The following SLC39A7 variants were observed in gnomAD, a reference collection of about 807,000 sequenced individuals.
The protein encoded by SLC39A7 is solute carrier family 39 member 7, also known as zinc transporter SLC39A7.
In SLC39A7, 25 loss-of-function variants were observed where a neutral mutation model predicts 39.7. That is an observed-to-expected ratio of 0.63 (90% CI 0.46 to 0.88). SLC39A7 has a LOEUF of 0.88. Ranked by LOEUF, SLC39A7 falls within the 40% of genes least tolerant of loss-of-function variation. The probability of loss-of-function intolerance (pLI) is 0.00; values close to 1 mark genes in which losing one functional copy is unlikely to be tolerated. For missense variants in SLC39A7, 501 were observed against 592.1 expected (o/e 0.85, Z 1.60); for synonymous variants, 181 against 234.1 (o/e 0.77, Z 2.07).
Position 33,202,950 on chromosome 6 carries a change from G to A in SLC39A7, c.981G>A (p.Leu327=). The part of the protein sequence containing the change: ...VSGYLNLAAD[L]AHNFTDGLAI... ...GGTACCTGAATCTGGCTGCTGACTTGGCACACAACTTCACTGATGGTCTGG... is the reference window on the plus strand; with the variant it reads ...GGTACCTGAATCTGGCTGCTGACTTAGCACACAACTTCACTGATGGTCTGG... Residue 327 remains leucine (L), a synonymous_variant, in exon 6 of 7, where the codon TTG becomes TTA. Transcript: ENST00000374677. The A allele has an allele frequency of 1.2e-6, 2 of 1,611,910 alleles. No individual in the cohort carries two copies. The highest frequency in any genetic ancestry group is 2.2e-5 in the South Asian group (2 of 91,020).
Position 33,204,172 on chromosome 6 carries a change from CCA to C in SLC39A7, c.*360_*361del. 2.1e-6 allele frequency: 1 copy of C among 473,820 alleles called. No individual in the cohort carries two copies. The highest frequency in any genetic ancestry group is 3.8e-6 in the Non-Finnish European group (1 of 261,818). The allele number at this position is 473,820 out of a possible 1,614,324, so 29.4% of individuals were successfully genotyped here. On this transcript the variant is annotated 3_prime_UTR_variant, in exon 7 of 7. Transcript: ENST00000374677. ...TGCTACACAGGAAGTTCTCCAAGGT[CCA>C]GTTTCCTTTCTCCCACCAGTTGGTG...
At position 33,201,670 on chromosome 6, in the gene SLC39A7, G is replaced by A. The variant is rs956810426; in HGVS notation, c.411+14G>A. Reference sequence around the variant, plus strand: ...CTCTGGGCTTATGTGAGTCTCCAGGGGATGGGAGAGAGAAGGGCTGGTTCT... The same window carrying A: ...CTCTGGGCTTATGTGAGTCTCCAGGAGATGGGAGAGAGAAGGGCTGGTTCT... On this transcript the variant is annotated intron_variant, in intron 1 of 6. Coordinates refer to ENST00000374677, the MANE Select transcript of SLC39A7 (RefSeq NM_006979.3). The surrounding 1 kb of genome is among the most constrained non-coding windows in gnomAD (Gnocchi z 5.9). 19 of 1,610,864 alleles carry A rather than the reference G, an allele frequency of 1.2e-5. No individual in the cohort carries two copies. Among genetic ancestry groups the A allele is most frequent in the Non-Finnish European group, 1.5e-5 (18 of 1,177,726 alleles).
In SLC39A7 at chr6:33,201,199, G is replaced by C. The variant is rs1294387050; in HGVS notation, c.-47G>C. 1 of 1,558,042 alleles carries C rather than the reference G, an allele frequency of 6.4e-7. No homozygotes were observed. Among genetic ancestry groups the C allele is most frequent in the South Asian group, 1.2e-5 (1 of 84,646 alleles). On this transcript the variant is annotated 5_prime_UTR_variant, in exon 1 of 7. Coordinates refer to ENST00000374677, the MANE Select transcript of SLC39A7 (RefSeq NM_006979.3). This position sits in a 1 kb window ranked among gnomAD's most constrained non-coding sequence, Gnocchi z 5.9. ...GTAAAGCGGACCCTGTGTAGGTATA[G>C]AGTTGAGTCAAGTGGAGTCACTGCC...
rs34836401 is a variant in SLC39A7 at position 33,202,417 on chromosome 6, T to C, written c.789T>C (p.His263=). 727 of 1,612,696 alleles carry C rather than the reference T, an allele frequency of 4.5e-4. 15 individuals are homozygous for C. The South Asian group carries it at 5.9e-3, about 13-fold the overall frequency. The change falls in exon 4 of 7, where the codon CAT becomes CAC. Residue 263 remains histidine, a synonymous_variant. Transcript: ENST00000374677. ...GTCATACACGTGGAAGTCATGGACA[T>C]GGAAGACAAGGTGAGCCCAGGAACA... ...AHSHTRGSHG[H]GRQERSTKEK... is the part of the protein sequence containing the mutation.
rs148466278 is a variant in SLC39A7, at chr6:33,202,734, G to A, written c.940+34G>A. The A allele has an allele frequency of 6.7e-5, 106 of 1,574,064 alleles. No individual in the cohort carries two copies. In the Middle Eastern group the frequency reaches 8.5e-4, roughly 13 times the overall value. On this transcript the variant is annotated intron_variant, in intron 5 of 6. Transcript: ENST00000374677. ...CAGAGTTGGTGATAAATTTGGGCAA[G>A]GGACATCATCACAAATCACATGGAA...
Position 33,203,700 on chromosome 6 carries a change from GTGTC to G in SLC39A7, c.1301_1304del (p.Ser434CysfsTer6). 6.2e-7 allele frequency: 1 copy of G among 1,614,214 alleles called. No individual in the cohort carries two copies. Among genetic ancestry groups the G allele is most frequent in the Non-Finnish European group, 8.5e-7 (1 of 1,180,028 alleles). ...AGGTGGCTTTATCTACGTAGCAACA[GTGTC>G]TGTGTTGCCCGAGCTGCTGAGGGAG... On this transcript the variant is annotated frameshift_variant, in exon 7 of 7. Coordinates refer to ENST00000374677, the MANE Select transcript of SLC39A7 (RefSeq NM_006979.3). LOFTEE classifies it high-confidence loss of function.
rs1166938153 is a variant in SLC39A7, at chr6:33,202,657, G to A, written c.897G>A (p.Gly299=). ...RRGGSTVPKD[G]PVRPQNAEEE... is the part of the protein sequence containing the mutation. ...GAGGGAGCACAGTACCCAAAGATGG[G>A]CCAGTGAGACCTCAGAACGCTGAAG... Residue 299 remains glycine (G), a synonymous_variant, in exon 5 of 7, where the codon GGG becomes GGA. Transcript: ENST00000374677. 3 of 1,608,972 alleles carry A rather than the reference G, an allele frequency of 1.9e-6. No individual in the cohort carries two copies. The highest frequency in any genetic ancestry group is 2.5e-6 in the Non-Finnish European group (3 of 1,179,036).
In SLC39A7 at chr6:33,201,221, T is replaced by G. The variant is rs1410730745; in HGVS notation, c.-25T>G. On this transcript the variant is annotated 5_prime_UTR_variant, in exon 1 of 7. Coordinates refer to ENST00000374677, the MANE Select transcript of SLC39A7 (RefSeq NM_006979.3). The surrounding 1 kb of genome is among the most constrained non-coding windows in gnomAD (Gnocchi z 5.9). ...ATAGAGTTGAGTCAAGTGGAGTCAC[T>G]GCCTCTGTCCCTCTGGTCAGCGTGA... 3 of 1,588,640 alleles carry G rather than the reference T, an allele frequency of 1.9e-6. No homozygotes were observed. Among genetic ancestry groups the G allele is most frequent in the African/African-American group, 2.7e-5 (2 of 73,576 alleles).
chr6:33,201,177 A>C lies in SLC39A7; in HGVS notation c.-69A>C. The C allele has an allele frequency of 6.8e-7, 1 of 1,471,748 alleles. No individual in the cohort carries two copies. The allele number at this position is 1,471,748 out of a possible 1,614,324, so 91.2% of individuals were successfully genotyped here. ...GTGGACGGAGGGCGCGATTGGAGTA[A>C]AGCGGACCCTGTGTAGGTATAGAGT... On this transcript the variant is annotated 5_prime_UTR_variant, in exon 1 of 7. Coordinates refer to ENST00000374677, the MANE Select transcript of SLC39A7 (RefSeq NM_006979.3). This position sits in a 1 kb window ranked among gnomAD's most constrained non-coding sequence, Gnocchi z 5.9.
Position 33,203,949 on chromosome 6 carries a change from T to C in SLC39A7, c.*136T>C. 1.2e-6 allele frequency: 1 copy of C among 850,376 alleles called. No homozygotes were observed. The highest frequency in any genetic ancestry group is 2.6e-5 in the East Asian group (1 of 37,932). The allele number at this position is 850,376 out of a possible 1,614,324, so 52.7% of individuals were successfully genotyped here. On this transcript the variant is annotated 3_prime_UTR_variant, in exon 7 of 7. Coordinates refer to ENST00000374677, the MANE Select transcript of SLC39A7 (RefSeq NM_006979.3). ...CCTGGGAGAATGGTTACTTTGGCATTAGGGCCTTCAAGGGCTGGCAGTCTT... is the reference window on the plus strand; with the variant it reads ...CCTGGGAGAATGGTTACTTTGGCATCAGGGCCTTCAAGGGCTGGCAGTCTT...
Position 33,201,104 on chromosome 6 carries a change from G to C in SLC39A7, c.-142G>C, listed in dbSNP as rs994200875. On this transcript the variant is annotated 5_prime_UTR_variant, in exon 1 of 7. Coordinates refer to ENST00000374677, the MANE Select transcript of SLC39A7 (RefSeq NM_006979.3). This position sits in a 1 kb window ranked among gnomAD's most constrained non-coding sequence, Gnocchi z 5.9. The stretch of plus-strand genomic sequence containing the variant: ...TCGGGATAAAGAGAACTAGTCTTGG[G>C]AACAATGTAGGTGGGAACTTAAGGG... The C allele has an allele frequency of 2.7e-5, 24 of 888,486 alleles. No homozygotes were observed. The highest frequency in any genetic ancestry group is 1.2e-4 in the East Asian group (5 of 41,570). 55.0% of individuals were successfully genotyped at this position (888,486 alleles called of 1,614,324 possible).
Position 33,202,651 on chromosome 6 carries a change from AG to A in SLC39A7, c.892del (p.Asp298MetfsTer4). 1 of 1,609,966 alleles carries A rather than the reference AG, an allele frequency of 6.2e-7. No homozygotes were observed. The highest frequency in any genetic ancestry group is 8.5e-7 in the Non-Finnish European group (1 of 1,179,292). On this transcript the variant is annotated frameshift_variant, in exon 5 of 7. Transcript: ENST00000374677. LOFTEE classifies it high-confidence loss of function. Reference protein sequence around the residue: ...KRRGGSTVPKDGPVRPQNAEE... With the variant: ...KRRGGSTVPKXGPVRPQNAEE... Reference sequence around the variant, plus strand: ...GGCGAGGAGGGAGCACAGTACCCAAAGATGGGCCAGTGAGACCTCAGAACGC... The same window carrying A: ...GGCGAGGAGGGAGCACAGTACCCAAAATGGGCCAGTGAGACCTCAGAACGC...
rs772917856 is a variant in SLC39A7, at chr6:33,203,641, G to A, written c.1238G>A (p.Gly413Asp). 1.2e-6 allele frequency: 2 copies of A among 1,614,248 alleles called. No individual in the cohort carries two copies. The highest frequency in any genetic ancestry group is 1.7e-6 in the Non-Finnish European group (2 of 1,180,040). ...GCAGTGGGCAGTGAAATTGCAGGTG[G>A]TGCAGGTCCTGGCTGGGTCCTGCCA... The part of the protein sequence containing the change: ...GGAVGSEIAG[G>D]AGPGWVLPFT... Residue 413 changes from glycine to aspartate, a missense_variant, in exon 7 of 7, where the codon GGT becomes GAT. Gly to Asp is a moderately conservative substitution (Grantham distance 94). Transcript: ENST00000374677.
At position 33,201,591 on chromosome 6, in the gene SLC39A7, G is replaced by A. The variant is rs1774568749; in HGVS notation, c.346G>A (p.Gly116Ser). The part of the protein sequence containing the change: ...HGHDHEHSHG[G>S]YGESGAPGIK... The stretch of plus-strand genomic sequence containing the variant: ...ACATGACCATGAGCATAGCCATGGA[G>A]GCTATGGGGAGTCTGGGGCTCCAGG... Residue 116 changes from glycine (G) to serine (S), a missense_variant, in exon 1 of 7, where the codon GGC becomes AGC. Gly to Ser is a moderately conservative substitution (Grantham distance 56). Transcript: ENST00000374677. The surrounding 1 kb of genome is among the most constrained non-coding windows in gnomAD (Gnocchi z 5.9). The A allele has an allele frequency of 4.3e-6, 7 of 1,613,764 alleles. No individual in the cohort carries two copies. Among genetic ancestry groups the A allele is most frequent in the South Asian group, 1.1e-5 (1 of 91,076 alleles).
chr6:33,203,366 G>C (rs1774768049), intron 6 of SLC39A7, among the ~76,000 whole-genome samples, 175 bp from the exon 7 acceptor site: 1 of 152,120 alleles, frequency 6.6e-6, no homozygotes, highest in Admixed American at 6.5e-5. Flanking sequence ...AAGGACCTCT[G>C]ATCTCTTAAG....
At position 33,204,408 on chromosome 6, in the gene SLC39A7, G is replaced by A. The variant is rs1027488145; in HGVS notation, c.*595G>A. 1.7e-5 allele frequency: 10 copies of A among 596,316 alleles called. No individual in the cohort carries two copies. The highest frequency in any genetic ancestry group is 1.7e-4 in the East Asian group (6 of 35,972). The allele number at this position is 596,316 out of a possible 1,614,324, so 36.9% of individuals were successfully genotyped here. On this transcript the variant is annotated 3_prime_UTR_variant, in exon 7 of 7. Transcript: ENST00000374677. The stretch of plus-strand genomic sequence containing the variant: ...GAATCGAGGGGGAGGGGTGGTAACC[G>A]GAAATAAAGACCTCCGATCTTCCGC...
Position 33,204,367 on chromosome 6 carries a change from T to G in SLC39A7, c.*554T>G. On this transcript the variant is annotated 3_prime_UTR_variant, in exon 7 of 7. Coordinates refer to ENST00000374677, the MANE Select transcript of SLC39A7 (RefSeq NM_006979.3). ...CTGATTTTTTTTGTTTCTATTCCTT[T>G]TATATCACTGTGTTTGAATCGAGGG... The G allele has an allele frequency of 3.5e-6, 2 of 577,284 alleles. No individual in the cohort carries two copies. Among genetic ancestry groups the G allele is most frequent in the Non-Finnish European group, 6.2e-6 (2 of 322,220 alleles). The allele number at this position is 577,284 out of a possible 1,614,324, so 35.8% of individuals were successfully genotyped here.
rs1774485389 is a variant in SLC39A7, at chr6:33,200,933, G to A, written c.-313G>A. The A allele has an allele frequency of 9.9e-7, 1 of 1,010,944 alleles. No homozygotes were observed. The highest frequency in any genetic ancestry group is 1.5e-6 in the Non-Finnish European group (1 of 661,294). 62.6% of individuals were successfully genotyped at this position (1,010,944 alleles called of 1,614,324 possible). On this transcript the variant is annotated 5_prime_UTR_variant, in exon 1 of 7. Transcript: ENST00000374677. The surrounding 1 kb of genome is among the most constrained non-coding windows in gnomAD (Gnocchi z 6.3). ...CAAACCGGGAAAGGAGAGGATCCCGGAGCCGGTGAGAATTCTCTGTTTTTT... is the reference window on the plus strand; with the variant it reads ...CAAACCGGGAAAGGAGAGGATCCCGAAGCCGGTGAGAATTCTCTGTTTTTT...
rs941034339 is a variant in SLC39A7 at position 33,201,923 on chromosome 6, C to G, written c.580+10C>G. 2.7e-5 allele frequency: 44 copies of G among 1,612,350 alleles called. No individual in the cohort carries two copies. Among genetic ancestry groups the G allele is most frequent in the Non-Finnish European group, 3.6e-5 (42 of 1,179,658 alleles). ...ATTCCTCATGCTCTTGGTAAGTAAC[C>G]TCTGACTTCTACCTCAAATCTAACC... On this transcript the variant is annotated intron_variant, in intron 2 of 6. Coordinates refer to ENST00000374677, the MANE Select transcript of SLC39A7 (RefSeq NM_006979.3). This position sits in a 1 kb window ranked among gnomAD's most constrained non-coding sequence, Gnocchi z 5.9.
Sources: allele counts gnomAD v4.1 joint callset (sites outside exome capture counted in the v4.1 genomes callset), GRCh38; gene constraint gnomAD v4.1.1; non-coding constraint Gnocchi (gnomAD v3.1); transcripts MANE v1.5; gene names NCBI Gene and HGNC (gene_info 2026-07-23, HGNC 2026-07-21).